The following IL2RA variants were observed in gnomAD, a reference collection of about 807,000 sequenced individuals.
The protein encoded by IL2RA is interleukin 2 receptor subunit alpha, also known as interleukin-2 receptor subunit alpha.
A neutral mutation model predicts 37.8 loss-of-function variants in IL2RA; 24 were observed. That is an observed-to-expected ratio of 0.63 (90% CI 0.46 to 0.89). The LOEUF (loss-of-function observed/expected upper bound fraction) is 0.89. IL2RA is among the 40% of genes least tolerant of loss of function. IL2RA has a pLI of 0.00. For synonymous variants in IL2RA, 125 were observed against 114.6 expected (o/e 1.09, Z -0.58); for missense variants, 319 against 348.6 (o/e 0.92, Z 0.68).
Position 6,044,019 on chromosome 10 carries a change from C to T in IL2RA, c.65-17994G>A, listed in dbSNP as rs1367360822. Among the ~76,000 whole-genome samples, 1 of 152,146 alleles carries T rather than the reference C, an allele frequency of 6.6e-6. No homozygotes were observed. Among genetic ancestry groups the T allele is most frequent in the Non-Finnish European group, 1.5e-5 (1 of 68,034 alleles). ...TGTGGAACTTTATCAGAGAAAGAAACCCCCCTCTCCCCAAACTCAGTGGCA... is the reference window on the plus strand; with the variant it reads ...TGTGGAACTTTATCAGAGAAAGAAATCCCCCTCTCCCCAAACTCAGTGGCA... On this transcript the variant is annotated intron_variant, in intron 1 of 7. Transcript: ENST00000379959. The surrounding 1 kb of genome is among the most constrained non-coding windows in gnomAD (Gnocchi z 4.5).
intron 1 of IL2RA, among the ~76,000 whole-genome samples, chr10:6,052,629 G>A (rs1839983314): frequency 7.4e-6 from 1 of 135,830 alleles, no homozygotes. Context: ...ACCTTCCCAG[G>A]GGAGAAAACG....
chr10:6,040,280 C>T (rs1337762544), intron 1 of IL2RA, among the ~76,000 whole-genome samples: 1 of 152,132 alleles, frequency 6.6e-6, no homozygotes, highest in Non-Finnish European at 1.5e-5. Flanking sequence ...TTGATTGTGT[C>T]ACAACGAGGA....
At chr10:6,019,734 T>C (rs1839349387) in intron 5 of IL2RA, 136 bp downstream of exon 5, 1 of 897,408 alleles carries the variant, frequency 1.1e-6, no homozygotes. Flanking sequence ...GCCCTGTCCC[T>C]GCTCAGAGGG....
In IL2RA at chr10:6,046,520, C is replaced by T. The variant is rs1369513514; in HGVS notation, c.64+15568G>A. 2.0e-5 allele frequency among the ~76,000 whole-genome samples: 3 copies of T among 152,148 alleles called. No individual in the cohort carries two copies. Among genetic ancestry groups the T allele is most frequent in the Non-Finnish European group, 4.4e-5 (3 of 68,034 alleles). On this transcript the variant is annotated intron_variant, in intron 1 of 7. Coordinates refer to ENST00000379959, the MANE Select transcript of IL2RA (RefSeq NM_000417.3). The surrounding 1 kb of genome is among the most constrained non-coding windows in gnomAD (Gnocchi z 4.8). ...CTTACGGTTGTAGGTTACGTGGTAC[C>T]AAAAGCCCATGCCTGTGCTCCAGGG...
Position 6,021,057 on chromosome 10 carries a change from G to A in IL2RA, c.583+421C>T, listed in dbSNP as rs1326174224. On this transcript the variant is annotated intron_variant, in intron 4 of 7. Coordinates refer to ENST00000379959, the MANE Select transcript of IL2RA (RefSeq NM_000417.3). The surrounding 1 kb of genome is among the most constrained non-coding windows in gnomAD (Gnocchi z 4.9). The stretch of plus-strand genomic sequence containing the variant: ...GGGGAAGGAACATGCTGACCGTGGA[G>A]GGCTGTTCAGATCATGCATTTACAC... 6.6e-6 allele frequency among the ~76,000 whole-genome samples: 1 copy of A among 152,094 alleles called. No individual in the cohort carries two copies. Among genetic ancestry groups the A allele is most frequent in the Non-Finnish European group, 1.5e-5 (1 of 68,020 alleles).
At position 6,018,699 on chromosome 10, in the gene IL2RA, GA is replaced by G. The variant is rs1357925083; in HGVS notation, c.728-581del. ...CAGCCCTTCCAGATCAGCTTGAGAG[GA>G]GCTGATAGGGCTGACTTGAGACTTT... On this transcript the variant is annotated intron_variant, in intron 6 of 7. Coordinates refer to ENST00000379959, the MANE Select transcript of IL2RA (RefSeq NM_000417.3). The surrounding 1 kb of genome is among the most constrained non-coding windows in gnomAD (Gnocchi z 5.1). Among the ~76,000 whole-genome samples, 1 of 152,170 alleles carries G rather than the reference GA, an allele frequency of 6.6e-6. No homozygotes were observed. Among genetic ancestry groups the G allele is most frequent in the African/African-American group, 2.4e-5 (1 of 41,420 alleles).
At chr10:6,061,752 A>C (rs1840124879) in intron 1 of IL2RA, among the ~76,000 whole-genome samples, 2 of 152,216 alleles carry the variant, frequency 1.3e-5, no homozygotes, top group Non-Finnish European at 2.9e-5. Flanking sequence ...AAGGAAATTC[A>C]TTGAAGAATA....
chr10:6,039,574 T>G (rs993230612), intron 1 of IL2RA: 7 of 152,000 alleles, frequency 4.6e-5, no homozygotes, highest in African/African-American at 1.7e-4. Flanking sequence ...AGTAGAGGAG[T>G]TGAAGGCAAG....
chr10:6,018,024 A>G lies in IL2RA; in HGVS notation c.794+29T>C, dbSNP rs774477890. The G allele has an allele frequency of 1.2e-6, 2 of 1,604,016 alleles. No individual in the cohort carries two copies. Among genetic ancestry groups the G allele is most frequent in the Non-Finnish European group, 1.7e-6 (2 of 1,171,894 alleles). On this transcript the variant is annotated intron_variant, in intron 7 of 7. Coordinates refer to ENST00000379959, the MANE Select transcript of IL2RA (RefSeq NM_000417.3). The surrounding 1 kb of genome is among the most constrained non-coding windows in gnomAD (Gnocchi z 5.1). ...CTGGGTACAGGACTTTGATCTGACC[A>G]AGGGCTGCCTTGGTGATGCCACACT... is the stretch of plus-strand genomic sequence containing the variant.
chr10:6,031,844 G>A (rs929362098), intron 1 of IL2RA, among the ~76,000 whole-genome samples: 4 of 151,972 alleles, frequency 2.6e-5, no homozygotes, highest in African/African-American at 7.2e-5. Flanking sequence ...TACAAATTTG[G>A]AAGTTATTTC....
Position 6,033,072 on chromosome 10 carries a change from T to G in IL2RA, c.65-7047A>C, listed in dbSNP as rs1839626534. Among the ~76,000 whole-genome samples the G allele has an allele frequency of 6.6e-6, 1 of 152,146 alleles. No homozygotes were observed. Among genetic ancestry groups the G allele is most frequent in the African/African-American group, 2.4e-5 (1 of 41,432 alleles). ...GGCAGTGTAAGTAATGTAATTACTT[T>G]GGAACACTATCTGAAAGTATTTGGC... On this transcript the variant is annotated intron_variant, in intron 1 of 7. Transcript: ENST00000379959. This position sits in a 1 kb window ranked among gnomAD's most constrained non-coding sequence, Gnocchi z 4.3.
chr10:6,025,592 G>T lies in IL2RA; in HGVS notation c.256+242C>A, dbSNP rs554481728. 6.6e-6 allele frequency among the ~76,000 whole-genome samples: 1 copy of T among 152,104 alleles called. No homozygotes were observed. Among genetic ancestry groups the T allele is most frequent in the African/African-American group, 2.4e-5 (1 of 41,498 alleles). ...AATCACTTGAAGCCAGGAGGCGGAA[G>T]TTGCAGTGAGCCGAGATCGCGTGCC... On this transcript the variant is annotated intron_variant, in intron 2 of 7. Transcript: ENST00000379959. This position sits in a 1 kb window ranked among gnomAD's most constrained non-coding sequence, Gnocchi z 4.4.
At chr10:6,034,442 A>AT (rs12722530) in intron 1 of IL2RA, among the ~76,000 whole-genome samples, 4,783 of 150,046 alleles carry the variant, frequency 0.032, 109 homozygotes, top group Middle Eastern at 0.086. Context: ...TAAATTTGGG[A>AT]TTTTTTTTTT....
In IL2RA at chr10:6,035,313, G is replaced by A. The variant is rs1839663217; in HGVS notation, c.65-9288C>T. Among the ~76,000 whole-genome samples the A allele has an allele frequency of 6.6e-6, 1 of 152,246 alleles. No individual in the cohort carries two copies. Among genetic ancestry groups the A allele is most frequent in the Non-Finnish European group, 1.5e-5 (1 of 68,030 alleles). ...CTCCCTGTGTGGGCAGGGATGGAGAGTGAGGGCCTGCCTTCATGGCAGTAG... is the reference window on the plus strand; with the variant it reads ...CTCCCTGTGTGGGCAGGGATGGAGAATGAGGGCCTGCCTTCATGGCAGTAG... On this transcript the variant is annotated intron_variant, in intron 1 of 7. Transcript: ENST00000379959. This position sits in a 1 kb window ranked among gnomAD's most constrained non-coding sequence, Gnocchi z 5.4.
Position 6,029,367 on chromosome 10 carries a change from G to A in IL2RA, c.65-3342C>T, listed in dbSNP as rs1018125293. 1.3e-5 allele frequency among the ~76,000 whole-genome samples: 2 copies of A among 151,960 alleles called. No individual in the cohort carries two copies. The highest frequency in any genetic ancestry group is 4.8e-5 in the African/African-American group (2 of 41,366). On this transcript the variant is annotated intron_variant, in intron 1 of 7. Transcript: ENST00000379959. This position sits in a 1 kb window ranked among gnomAD's most constrained non-coding sequence, Gnocchi z 4.6. The stretch of plus-strand genomic sequence containing the variant: ...TTTAGTAGAGATGAGGTTTCACCAC[G>A]TTTGCCAGGCTGGTCTCGAACTCCT...
intron 1 of IL2RA, among the ~76,000 whole-genome samples, chr10:6,052,789 T>G (rs1839986328): frequency 6.6e-6 from 1 of 152,134 alleles, no homozygotes; most frequent in Non-Finnish European, 1.5e-5. Flanking sequence ...AGGTGGCAAT[T>G]CCTGAATGTG....
intron 1 of IL2RA, among the ~76,000 whole-genome samples, chr10:6,034,884 A>T (rs901684974): frequency 6.6e-6 from 1 of 152,258 alleles, no homozygotes; most frequent in African/African-American, 2.4e-5. Context: ...TTTTCCTTAG[A>T]AGAGGGGAAG....
chr10:6,053,870 C>T (rs1034326490), intron 1 of IL2RA, among the ~76,000 whole-genome samples: 15 of 152,296 alleles, frequency 9.8e-5, no homozygotes, highest in Admixed American at 4.6e-4. Context: ...TGCTGCTAGT[C>T]CAATTGCACC....
At chr10:6,032,735 T>C (rs187667094) in intron 1 of IL2RA, among the ~76,000 whole-genome samples, 13 of 149,830 alleles carry the variant, frequency 8.7e-5, no homozygotes, top group Non-Finnish European at 1.8e-4. Flanking sequence ...AATGATAGAC[T>C]GAGAGAAAAT....
Sources: allele counts gnomAD v4.1 joint callset (sites outside exome capture counted in the v4.1 genomes callset), GRCh38; gene constraint gnomAD v4.1.1; non-coding constraint Gnocchi (gnomAD v3.1); transcripts MANE v1.5; gene names NCBI Gene and HGNC (gene_info 2026-07-23, HGNC 2026-07-21).